EPB41L4A: variants seen among roughly 807,000 people sequenced by gnomAD.
The protein encoded by EPB41L4A is erythrocyte membrane protein band 4.1 like 4A, also known as band 4.1-like protein 4A.
EPB41L4A carries 100 observed loss-of-function variants against 108.6 expected under a neutral mutation model. That is an observed-to-expected ratio of 0.92 (90% CI 0.78 to 1.09). The LOEUF (loss-of-function observed/expected upper bound fraction) is 1.09, where lower values mean the gene tolerates loss of function less well. Ranked by LOEUF, EPB41L4A falls within the 50% of genes least tolerant of loss-of-function variation. EPB41L4A has a pLI of 0.00. For missense variants in EPB41L4A, 1,030 were observed against 842.7 expected, an observed-to-expected ratio of 1.22 and a Z score of -2.75; for synonymous variants, 319 against 289.0, an observed-to-expected ratio of 1.10 and a Z score of -1.05.
At chr5:112,193,446 C>T (rs1339505897) in intron 17 of EPB41L4A, among the ~76,000 whole-genome samples, 1 of 152,182 alleles carries the variant, frequency 6.6e-6, no homozygotes, top group Non-Finnish European at 1.5e-5. Flanking sequence ...GGATTACAGG[C>T]ATGTGCCACC....
intron 12 of EPB41L4A, among the ~76,000 whole-genome samples, chr5:112,155,212 T>G (rs191773959): frequency 2.1e-4 from 32 of 152,328 alleles, no homozygotes; most frequent in African/African-American, 7.0e-4. Flanking sequence ...TACAGGCATA[T>G]TCCACAGATT....
At chr5:112,212,331 C>T (rs140599965) in intron 12 of EPB41L4A, among the ~76,000 whole-genome samples, 54 of 147,962 alleles carry the variant, frequency 3.6e-4, no homozygotes, top group African/African-American at 1.1e-3. Context: ...CTTGCTTTGT[C>T]GCCCATGCTG....
intron 4 of EPB41L4A, among the ~76,000 whole-genome samples, chr5:112,269,400 A>G (rs1222007584): frequency 6.6e-6 from 1 of 152,194 alleles, no homozygotes; most frequent in Non-Finnish European, 1.5e-5. Flanking sequence ...TAAACATTTT[A>G]TAGCGTCTCA....
intron 9 of EPB41L4A, among the ~76,000 whole-genome samples, chr5:112,243,275 G>GTGTATATA (rs1554083451): frequency 3.0e-4 from 39 of 130,696 alleles, no homozygotes; most frequent in African/African-American, 1.1e-3. Flanking sequence ...ATATGTGTGT[G>GTGTATATA]TATATATATA....
chr5:112,374,508 G>A (rs114635329), intron 1 of EPB41L4A, among the ~76,000 whole-genome samples: 2,602 of 152,240 alleles, frequency 0.017, 61 homozygotes, highest in African/African-American at 0.059. Flanking sequence ...AATCACCTAG[G>A]TTACATAACA....
chr5:112,181,399 C>A (rs1761145572), intron 18 of EPB41L4A, among the ~76,000 whole-genome samples: 1 of 152,002 alleles, frequency 6.6e-6, no homozygotes, highest in South Asian at 2.1e-4. Flanking sequence ...TTGCAGTGAG[C>A]CGAGACTGGC....
chr5:112,156,102 C>A (rs189033196), intron 12 of EPB41L4A, among the ~76,000 whole-genome samples: 27 of 151,990 alleles, frequency 1.8e-4, no homozygotes, highest in Admixed American at 1.6e-3. Flanking sequence ...TAATGCAATT[C>A]ACCATAATAA....
chr5:112,211,073 A>G (rs1313882799), intron 12 of EPB41L4A, among the ~76,000 whole-genome samples: 1 of 152,166 alleles, frequency 6.6e-6, no homozygotes, highest in Non-Finnish European at 1.5e-5. Flanking sequence ...AAATAATCCT[A>G]TGAAGTAGAT....
At chr5:112,286,795 C>G (rs540310734) in intron 2 of EPB41L4A, among the ~76,000 whole-genome samples, 2 of 151,138 alleles carry the variant, frequency 1.3e-5, no homozygotes, top group African/African-American at 4.9e-5. Flanking sequence ...ATCTTCAAAA[C>G]AAAACCAAAA....
At chr5:112,400,888 GT>G (rs1761704094) in intron 1 of EPB41L4A, among the ~76,000 whole-genome samples, 3 of 152,146 alleles carry the variant, frequency 2.0e-5, no homozygotes, top group Admixed American at 2.0e-4. Context: ...TTGAGTGCAA[GT>G]ACTGTTAAAA....
At chr5:112,321,045 G>A (rs1306775867) in intron 1 of EPB41L4A, among the ~76,000 whole-genome samples, 1 of 152,074 alleles carries the variant, frequency 6.6e-6, no homozygotes, top group Non-Finnish European at 1.5e-5. Context: ...GAGACTTCAG[G>A]GTGTTCATAT....
At chr5:112,144,519 T>G (rs2112781914) in intron 13 of EPB41L4A, among the ~76,000 whole-genome samples, 1 of 152,308 alleles carries the variant, frequency 6.6e-6, no homozygotes, top group East Asian at 1.9e-4. Context: ...CCAAGCAATC[T>G]GCCAGCCTCA....
intron 1 of EPB41L4A, among the ~76,000 whole-genome samples, chr5:112,316,444 C>T (rs1455991102): frequency 5.9e-5 from 9 of 152,154 alleles, no homozygotes; most frequent in South Asian, 2.1e-4. Flanking sequence ...GCAAAGTGGG[C>T]GCACGGAGGA....
chr5:112,192,472 T>G (rs1761752987), intron 17 of EPB41L4A, among the ~76,000 whole-genome samples: 1 of 152,224 alleles, frequency 6.6e-6, no homozygotes, highest in African/African-American at 2.4e-5. Flanking sequence ...CCTGTTGGAT[T>G]TTTTGCATGA....
At chr5:112,384,937 T>A (rs1760408983) in intron 1 of EPB41L4A, among the ~76,000 whole-genome samples, 1 of 152,228 alleles carries the variant, frequency 6.6e-6, no homozygotes, top group African/African-American at 2.4e-5. Flanking sequence ...CCCATCCATT[T>A]GCTAGGGTTG....
chr5:112,230,086 T>A (rs1034846852), intron 12 of EPB41L4A, among the ~76,000 whole-genome samples: 1 of 152,134 alleles, frequency 6.6e-6, no homozygotes, highest in Non-Finnish European at 1.5e-5. Flanking sequence ...TATTCTATAG[T>A]GTACATAGTA....
At chr5:112,311,473 C>T (rs1231815936) in intron 1 of EPB41L4A, among the ~76,000 whole-genome samples, 1 of 152,160 alleles carries the variant, frequency 6.6e-6, no homozygotes, top group Non-Finnish European at 1.5e-5. Context: ...AGATATCACA[C>T]TAATGGTTTC....
chr5:112,364,370 TGATA>T (rs1361651748), intron 1 of EPB41L4A, among the ~76,000 whole-genome samples: 3 of 152,240 alleles, frequency 2.0e-5, no homozygotes, highest in African/African-American at 7.2e-5. Context: ...AAACATTTAT[TGATA>T]TTCACATTAG....
chr5:112,168,748 T>G lies in EPB41L4A; in HGVS notation c.1923A>C (p.Thr641=). Residue 641 remains threonine (T), a synonymous_variant, in exon 22 of 23, where the codon ACA becomes ACC. Coordinates refer to ENST00000261486, the MANE Select transcript of EPB41L4A (RefSeq NM_022140.5). ...CCTTACTATTACTAACCTGATGAACTGTAGCATCCCCAGAACCCTGAGCAT... is the reference window on the plus strand; with the variant it reads ...CCTTACTATTACTAACCTGATGAACGGTAGCATCCCCAGAACCCTGAGCAT... ...SSDAQGSGDA[T]VHQRRNGSKD... 1.2e-6 allele frequency: 2 copies of G among 1,613,294 alleles called. No homozygotes were observed. Among genetic ancestry groups the G allele is most frequent in the Non-Finnish European group, 1.7e-6 (2 of 1,179,222 alleles).
Sources: allele counts gnomAD v4.1 joint callset (sites outside exome capture counted in the v4.1 genomes callset), GRCh38; gene constraint gnomAD v4.1.1; transcripts MANE v1.5; gene names NCBI Gene and HGNC (gene_info 2026-07-23, HGNC 2026-07-21).